COPE: variants seen among roughly 807,000 people sequenced by gnomAD.
COPE encodes coat protein complex I subunit epsilon, also known as coatomer subunit epsilon.
A neutral mutation model predicts 42.1 loss-of-function variants in COPE; 19 were observed. That is an observed-to-expected ratio of 0.45 (90% CI 0.31 to 0.66). The LOEUF is 0.66. COPE is among the 30% of genes least tolerant of loss of function. COPE has a pLI of 0.05. For synonymous variants in COPE, 195 were observed against 181.3 expected, an observed-to-expected ratio of 1.08 and a Z score of -0.60; for missense variants, 402 against 416.1, an observed-to-expected ratio of 0.97 and a Z score of 0.30.
rs780880477 is a variant in COPE at position 18,899,828 on chromosome 19, G to A, written c.879+45C>T. 15 of 1,609,560 alleles carry A rather than the reference G, an allele frequency of 9.3e-6. No individual in the cohort carries two copies. In the East Asian group the frequency reaches 1.6e-4, roughly 17 times the overall value. Reference sequence around the variant, plus strand: ...TGTGAGCCCAGGCTGAGCTCCAGGCGCCCCCTGGCCTGGTTCTCGGGGACA... The same window carrying A: ...TGTGAGCCCAGGCTGAGCTCCAGGCACCCCCTGGCCTGGTTCTCGGGGACA... On this transcript the variant is annotated intron_variant, in intron 9 of 9. Coordinates refer to ENST00000262812, the MANE Select transcript of COPE (RefSeq NM_007263.4).
intron 6 of COPE, among the ~76,000 whole-genome samples, chr19:18,904,029 G>A (rs989690513): frequency 2.0e-5 from 3 of 152,170 alleles, no homozygotes; most frequent in Non-Finnish European, 2.9e-5. Flanking sequence ...GCACTGGCGC[G>A]ATCTTGGCTC....
intron 1 of COPE, among the ~76,000 whole-genome samples, chr19:18,913,655 G>A (rs1451757605): frequency 6.6e-6 from 1 of 152,218 alleles, no homozygotes; most frequent in Non-Finnish European, 1.5e-5. Flanking sequence ...CCGGAGGCTG[G>A]CTGACTTCCC....
At chr19:18,912,738 CAAAAA>C (rs10716350) in intron 2 of COPE, among the ~76,000 whole-genome samples, 2 of 113,182 alleles carry the variant, frequency 1.8e-5, no homozygotes, top group Admixed American at 8.6e-5. Context: ...GACTCCGTCT[CAAAAA>C]AAAAAAAAAA....
chr19:18,919,039 A>G (rs1328586488), intron 1 of COPE, among the ~76,000 whole-genome samples, 184 bp downstream of exon 1: 1 of 152,390 alleles, frequency 6.6e-6, no homozygotes, highest in Non-Finnish European at 1.5e-5. Context: ...GCAGTACCGT[A>G]AACTGTTACT....
At chr19:18,902,781 G>GAAAGGAAGGACAGGAAGGAAAGGAAGGA (rs1199869724) in intron 7 of COPE, among the ~76,000 whole-genome samples, 1 of 25,546 alleles carries the variant, frequency 3.9e-5, no homozygotes, top group Non-Finnish European at 8.4e-5. Flanking sequence ...AAGAAGGAAG[G>GAAAGGAAGGACAGGAAGGAAAGGAAGGA]AAGGAAGGAA....
At chr19:18,902,772 A>AGGAAGGAAG (rs1568314845) in intron 7 of COPE, among the ~76,000 whole-genome samples, 1 of 31,936 alleles carries the variant, frequency 3.1e-5, no homozygotes. Context: ...AGGAAGGGAA[A>AGGAAGGAAG]GAAGGAAGGA....
At chr19:18,902,041 A>G (rs1392750237) in intron 7 of COPE, among the ~76,000 whole-genome samples, 3 of 151,828 alleles carry the variant, frequency 2.0e-5, no homozygotes, top group African/African-American at 2.4e-5. Flanking sequence ...TTAGCTGGGC[A>G]TGGTGGTGGG....
At chr19:18,917,375 CTTTTTTT>C (rs935770227) in intron 1 of COPE, among the ~76,000 whole-genome samples, 8 of 143,658 alleles carry the variant, frequency 5.6e-5, no homozygotes, top group Admixed American at 3.0e-4. Flanking sequence ...TTTCTTTTTT[CTTTTTTT>C]TTAATAGAGA....
At chr19:18,902,751 GGAAGGAAGGAAGGAAGGGAAA>G in intron 7 of COPE, among the ~76,000 whole-genome samples, 1 of 50,134 alleles carries the variant, frequency 2.0e-5, no homozygotes, top group Non-Finnish European at 3.7e-5. Flanking sequence ...AGGAAGGAAA[GGAAGGAAGGAAGGAAGGGAAA>G]GAAGGAAGGA....
intron 7 of COPE, among the ~76,000 whole-genome samples, chr19:18,901,271 C>T (rs57506359): frequency 2.0e-5 from 3 of 152,356 alleles, no homozygotes; most frequent in East Asian, 1.9e-4. Context: ...AGTCACGGAA[C>T]GTGTCACCTG....
chr19:18,900,545 C>G, intron 7 of COPE, 96 bp from the exon 8 acceptor site: 1 of 944,962 alleles, frequency 1.1e-6, no homozygotes, highest in Non-Finnish European at 1.6e-6. Flanking sequence ...CACAAGGTCA[C>G]CTCCTCAGAG....
At chr19:18,910,042 T>C (rs186008575) in intron 3 of COPE, among the ~76,000 whole-genome samples, 14 of 152,284 alleles carry the variant, frequency 9.2e-5, no homozygotes, top group African/African-American at 3.4e-4. Flanking sequence ...CCAGGTTTCT[T>C]TGAGTGAAGG....
chr19:18,915,400 G>A (rs2056845971), intron 1 of COPE, among the ~76,000 whole-genome samples: 1 of 152,216 alleles, frequency 6.6e-6, no homozygotes, highest in Non-Finnish European at 1.5e-5. Context: ...GTGCCGGGAA[G>A]CATAACAACA....
chr19:18,904,313 G>C lies in COPE; in HGVS notation c.579+458C>G, dbSNP rs570193633. Among the ~76,000 whole-genome samples the C allele has an allele frequency of 5.4e-4, 82 of 152,344 alleles. 1 individual carries two copies. The highest frequency in any genetic ancestry group is 2.1e-3 in the South Asian group (10 of 4,826). ...ACACAAAAGAGTGGCTCAGAAGGGG[G>C]CCAAGTCCCAGAAACCAGGAGAGGG... On this transcript the variant is annotated intron_variant, in intron 6 of 9. Coordinates refer to ENST00000262812, the MANE Select transcript of COPE (RefSeq NM_007263.4).
intron 2 of COPE, chr19:18,911,440 C>CA (rs2056809605): frequency 8.4e-6 from 2 of 237,848 alleles, no homozygotes; most frequent in South Asian, 1.3e-4. Flanking sequence ...GACATGCCCC[C>CA]AGCCAGCCCT....
In COPE at chr19:18,915,981, C is replaced by T. The variant is rs148547274; in HGVS notation, c.127-2935G>A. ...TCAGGTGGGGCTGAGGTTGCTCAGGCCACTGTCATGAACTACCACAGACCA... is the reference window on the plus strand; with the variant it reads ...TCAGGTGGGGCTGAGGTTGCTCAGGTCACTGTCATGAACTACCACAGACCA... On this transcript the variant is annotated intron_variant, in intron 1 of 9. Transcript: ENST00000262812. 6.5e-4 allele frequency among the ~76,000 whole-genome samples: 99 copies of T among 152,328 alleles called. 1 individual carries two copies. In the East Asian group the frequency reaches 0.015, roughly 23 times the overall value.
chr19:18,915,696 G>A (rs1051892704), intron 1 of COPE, among the ~76,000 whole-genome samples: 2 of 152,186 alleles, frequency 1.3e-5, no homozygotes, highest in Non-Finnish European at 2.9e-5. Flanking sequence ...TTGGGAAGGC[G>A]GGTGACAGGA....
At chr19:18,902,777 G>GA (rs1471745323) in intron 7 of COPE, among the ~76,000 whole-genome samples, 763 of 9,080 alleles carry the variant, frequency 0.084, 148 homozygotes, top group Middle Eastern at 0.17. Flanking sequence ...GGGAAAGAAG[G>GA]AAGGAAGGAA....
In COPE at chr19:18,906,840, A is replaced by G; in HGVS notation, c.443+120T>C. 4.1e-6 allele frequency: 5 copies of G among 1,233,232 alleles called. No homozygotes were observed. The South Asian group carries it at 7.8e-5, about 19-fold the overall frequency. 76.4% of individuals were successfully genotyped at this position (1,233,232 alleles called of 1,614,324 possible). On this transcript the variant is annotated intron_variant, in intron 4 of 9. Coordinates refer to ENST00000262812, the MANE Select transcript of COPE (RefSeq NM_007263.4). ...AGCCTGGACAGCAGGCCAGGGCCTCATTTCAGCACCACCTTTCTCTGCTCC... is the reference window on the plus strand; with the variant it reads ...AGCCTGGACAGCAGGCCAGGGCCTCGTTTCAGCACCACCTTTCTCTGCTCC...
Sources: allele counts gnomAD v4.1 joint callset (sites outside exome capture counted in the v4.1 genomes callset), GRCh38; gene constraint gnomAD v4.1.1; transcripts MANE v1.5; gene names NCBI Gene and HGNC (gene_info 2026-07-23, HGNC 2026-07-21).